Variants in LRIG3 observed in about 807,000 individuals in gnomAD.
LRIG3 encodes the protein leucine rich repeats and immunoglobulin like domains 3.
Under a neutral mutation model 114.5 loss-of-function variants are expected in LRIG3, and 76 were observed. That is an observed-to-expected ratio of 0.66 (90% CI 0.55 to 0.80). The LOEUF (loss-of-function observed/expected upper bound fraction) is 0.80, where lower values mean the gene tolerates loss of function less well. Among genes scored for constraint, LRIG3 ranks in the 30% least tolerant of loss-of-function variants. LRIG3 has a pLI of 0.00. For synonymous variants in LRIG3, 512 were observed against 519.8 expected, an observed-to-expected ratio of 0.98 and a Z score of 0.20; for missense variants, 1,239 against 1,382.8, an observed-to-expected ratio of 0.90 and a Z score of 1.65.
chr12:58,914,066 C>T lies in LRIG3; in HGVS notation c.309-10G>A, dbSNP rs61921901. On this transcript the variant is annotated splice_polypyrimidine_tract_variant and intron_variant, in intron 2 of 18. Coordinates refer to ENST00000320743, the MANE Select transcript of LRIG3 (RefSeq NM_153377.5). ...ATTGTTGTTCAGTTTCCTACAAATG[C>T]CAAAAAAAAAAAGAAAAAGAAAAGC... is the stretch of plus-strand genomic sequence containing the variant. 2 of 1,576,792 alleles carry T rather than the reference C, an allele frequency of 1.3e-6. No individual in the cohort carries two copies. Among genetic ancestry groups the T allele is most frequent in the South Asian group, 1.2e-5 (1 of 84,786 alleles).
intron 6 of LRIG3, 59 bp downstream of exon 6, chr12:58,888,760 T>C (rs1412123916): frequency 1.9e-6 from 3 of 1,575,898 alleles, no homozygotes; most frequent in East Asian, 2.2e-5. Flanking sequence ...CTGCTGAATG[T>C]ACACTGAGCA....
chr12:58,916,567 C>T (rs1052323049), intron 1 of LRIG3, among the ~76,000 whole-genome samples: 3 of 152,132 alleles, frequency 2.0e-5, no homozygotes, highest in African/African-American at 4.8e-5. Context: ...TGTACAACGT[C>T]GATGTTTTCT....
At chr12:58,914,667 T>G (rs1057403956) in intron 1 of LRIG3, 1 of 208,942 alleles carries the variant, frequency 4.8e-6, no homozygotes, top group African/African-American at 2.3e-5. Context: ...TATGATGACA[T>G]CATGGTTTAA....
intron 3 of LRIG3, among the ~76,000 whole-genome samples, chr12:58,894,036 C>G (rs1276365029): frequency 3.9e-5 from 6 of 152,212 alleles, no homozygotes; most frequent in Non-Finnish European, 8.8e-5. Context: ...AGTTAGATAA[C>G]AGACCATACA....
rs1465699037 is a variant in LRIG3, at chr12:58,877,401, T to C, written c.2535A>G (p.Thr845=). The C allele has an allele frequency of 6.2e-7, 1 of 1,613,422 alleles. No homozygotes were observed. Among genetic ancestry groups the C allele is most frequent in the Admixed American group, 1.7e-5 (1 of 60,014 alleles). Residue 845 remains threonine (T), a splice_region_variant and synonymous_variant, in exon 15 of 19, where the codon ACA becomes ACG. Transcript: ENST00000320743. ...RRNEDCSITN[T]DETNLPADIP... ...TGTGCCAAGCTTCTGTTTACACACC[T>C]GTGTTGGTAATGCTGCAATCTTCAT...
At chr12:58,905,656 G>A (rs1872034930) in intron 3 of LRIG3, among the ~76,000 whole-genome samples, 1 of 152,164 alleles carries the variant, frequency 6.6e-6, no homozygotes, top group Non-Finnish European at 1.5e-5. Flanking sequence ...GAATGGATTA[G>A]TCTACTGATG....
chr12:58,912,515 A>G (rs1464069105), intron 3 of LRIG3, among the ~76,000 whole-genome samples: 1 of 152,110 alleles, frequency 6.6e-6, no homozygotes, highest in African/African-American at 2.4e-5. Context: ...AAAGTATAAA[A>G]CACTAGGTTA....
Position 58,919,301 on chromosome 12 carries a change from C to A in LRIG3, c.236+699G>T, listed in dbSNP as rs563982287. The A allele has an allele frequency of 6.2e-4, 843 of 1,369,258 alleles. 9 individuals are homozygous for A. The Admixed American group carries it at 0.017, about 28-fold the overall frequency. 84.8% of individuals were successfully genotyped at this position (1,369,258 alleles called of 1,614,324 possible). The stretch of plus-strand genomic sequence containing the variant: ...CTTGCATAAGAGCTCCCTGCGCTCT[C>A]CCCTAAACCGTCTGGGCGTTCTGAG... On this transcript the variant is annotated intron_variant, in intron 1 of 18. Coordinates refer to ENST00000320743, the MANE Select transcript of LRIG3 (RefSeq NM_153377.5).
chr12:58,905,621 T>C (rs1353045719), intron 3 of LRIG3, among the ~76,000 whole-genome samples: 11 of 152,168 alleles, frequency 7.2e-5, no homozygotes, highest in African/African-American at 2.7e-4. Context: ...AAGAGGTGAT[T>C]GCGTCATGAG....
intron 1 of LRIG3, chr12:58,919,440 G>C: frequency 6.4e-7 from 1 of 1,551,620 alleles, no homozygotes; most frequent in Non-Finnish European, 8.7e-7. Context: ...CTGCTAATGT[G>C]AAAAAGCAAG....
chr12:58,888,381 T>C lies in LRIG3; in HGVS notation c.895A>G (p.Ile299Val), dbSNP rs768791172. Residue 299 changes from isoleucine to valine, a missense_variant, in exon 7 of 19, where the codon ATC becomes GTC. By Grantham distance (29) the Ile-to-Val change is conservative. Transcript: ENST00000320743. ...LQELHLSQNAINRISPDAWEF... is the reference protein window; with the variant it reads ...LQELHLSQNAVNRISPDAWEF... ...CAGGCATCAGGGCTGATCCTGTTGATGGCATTTTGGCTGAGATGAAGTTCC... is the reference window on the plus strand; with the variant it reads ...CAGGCATCAGGGCTGATCCTGTTGACGGCATTTTGGCTGAGATGAAGTTCC... 5 of 1,613,896 alleles carry C rather than the reference T, an allele frequency of 3.1e-6. No homozygotes were observed. Among genetic ancestry groups the C allele is most frequent in the Non-Finnish European group, 4.2e-6 (5 of 1,179,854 alleles).
At chr12:58,892,690 A>C (rs913891794) in intron 3 of LRIG3, among the ~76,000 whole-genome samples, 3 of 152,230 alleles carry the variant, frequency 2.0e-5, no homozygotes, top group African/African-American at 7.2e-5. Flanking sequence ...ATTAAGTGCC[A>C]AGCCCTATGC....
At chr12:58,881,111 A>G (rs1386609415) in intron 12 of LRIG3, among the ~76,000 whole-genome samples, 1 of 152,224 alleles carries the variant, frequency 6.6e-6, no homozygotes, top group Admixed American at 6.5e-5. Context: ...ACAGATGCAG[A>G]TCTATTTATC....
intron 13 of LRIG3, among the ~76,000 whole-genome samples, chr12:58,880,018 C>T (rs1253444685): frequency 1.3e-5 from 2 of 152,150 alleles, no homozygotes; most frequent in Admixed American, 6.5e-5. Context: ...CATTGCTGGG[C>T]ACGGTGGCTC....
At chr12:58,872,839 GC>G in intron 18 of LRIG3, 23 bp from the exon 19 acceptor site, 5 of 1,601,198 alleles carry the variant, frequency 3.1e-6, no homozygotes, top group Non-Finnish European at 4.3e-6. Flanking sequence ...AACACCTTGA[GC>G]ACATGGGTCC....
chr12:58,905,577 T>C (rs1183432297), intron 3 of LRIG3, among the ~76,000 whole-genome samples: 1 of 152,232 alleles, frequency 6.6e-6, no homozygotes, highest in Admixed American at 6.5e-5. Flanking sequence ...CGTTGAAATG[T>C]AATGTTCAAT....
At chr12:58,910,612 A>G (rs1448793300) in intron 3 of LRIG3, among the ~76,000 whole-genome samples, 2 of 152,094 alleles carry the variant, frequency 1.3e-5, no homozygotes, top group Non-Finnish European at 2.9e-5. Context: ...CGTCTCAAAA[A>G]AAAACAAAAA....
At position 58,888,921 on chromosome 12, in the gene LRIG3, G is replaced by A. The variant is rs1249815489; in HGVS notation, c.701C>T (p.Thr234Ile). 8 of 1,613,626 alleles carry A rather than the reference G, an allele frequency of 5.0e-6. No homozygotes were observed. Among genetic ancestry groups the A allele is most frequent in the Middle Eastern group, 3.3e-4 (2 of 6,076 alleles). ...RNKIKNVDGL[T>I]FQGLGALKSL... Reference sequence around the variant, plus strand: ...CTTCAGAGCACCAAGGCCTTGGAATGTCAGTCCATCTACATTTTTAATCTT... The same window carrying A: ...CTTCAGAGCACCAAGGCCTTGGAATATCAGTCCATCTACATTTTTAATCTT... Residue 234 changes from threonine (T) to isoleucine (I), a missense_variant, in exon 6 of 19, where the codon ACA becomes ATA. Physicochemically the swap from Thr to Ile is moderately conservative, Grantham distance 89. Transcript: ENST00000320743.
At chr12:58,890,536 A>C in intron 4 of LRIG3, 129 bp downstream of exon 4, 1 of 885,180 alleles carries the variant, frequency 1.1e-6, no homozygotes, top group Non-Finnish European at 1.6e-6. Flanking sequence ...GCTTACAGCA[A>C]ATTTCAAGTC....
Sources: allele counts gnomAD v4.1 joint callset (sites outside exome capture counted in the v4.1 genomes callset), GRCh38; gene constraint gnomAD v4.1.1; transcripts MANE v1.5; gene names NCBI Gene and HGNC (gene_info 2026-07-23, HGNC 2026-07-21).